Variants in TACR2 observed in about 807,000 individuals in gnomAD.
The protein encoded by TACR2 is tachykinin receptor 2, also known as substance-K receptor.
A neutral mutation model predicts 28.9 loss-of-function variants in TACR2; 24 were observed. That is an observed-to-expected ratio of 0.83 (90% confidence interval 0.60 to 1.17). The LOEUF is 1.17. Among genes scored for constraint, TACR2 ranks in the 50% most tolerant of loss-of-function variants. The probability of loss-of-function intolerance (pLI) is 0.00; values close to 1 mark genes in which losing one functional copy is unlikely to be tolerated. For missense variants in TACR2, 487 were observed against 524.4 expected (o/e 0.93, Z 0.70); for synonymous variants, 222 against 212.6 (o/e 1.04, Z -0.38).
chr10:69,415,274 AG>A, intron 1 of TACR2, 135 bp from the exon 2 acceptor site: 1 of 999,598 alleles, frequency 1.0e-6, no homozygotes. Flanking sequence ...CTGATATCAT[AG>A]TATCAGCCGA....
Position 69,405,026 on chromosome 10 carries a change from C to G in TACR2, c.997G>C (p.Glu333Gln), listed in dbSNP as rs753219943. The G allele has an allele frequency of 1.9e-6, 3 of 1,614,146 alleles. No homozygotes were observed. The highest frequency in any genetic ancestry group is 1.7e-6 in the Non-Finnish European group (2 of 1,180,004). Residue 333 changes from glutamate (E) to glutamine (Q), a missense_variant, in exon 5 of 5, where the codon GAA becomes CAA. Glu to Gln is a conservative substitution (Grantham distance 29). Coordinates refer to ENST00000373306, the MANE Select transcript of TACR2 (RefSeq NM_001057.3). Reference sequence around the variant, plus strand: ...GTGGGAGTCAGCTCGAGCTTATCTTCCTTGGTGGGTGTGACCCATGGGCAG... The same window carrying G: ...GTGGGAGTCAGCTCGAGCTTATCTTGCTTGGTGGGTGTGACCCATGGGCAG... ...RCCPWVTPTKEDKLELTPTTS... is the reference protein window; with the variant it reads ...RCCPWVTPTKQDKLELTPTTS...
intron 2 of TACR2, among the ~76,000 whole-genome samples, chr10:69,409,896 T>TATATATATAC (rs1453338217): frequency 3.4e-4 from 5 of 14,844 alleles, no homozygotes; most frequent in South Asian, 4.5e-3. Context: ...TATACATATA[T>TATATATATAC]ATATATACAT....
Position 69,416,079 on chromosome 10 carries a change from A to T in TACR2, c.245T>A (p.Met82Lys). 1 of 1,614,218 alleles carries T rather than the reference A, an allele frequency of 6.2e-7. No homozygotes were observed. The highest frequency in any genetic ancestry group is 8.5e-7 in the Non-Finnish European group (1 of 1,180,024). Reference sequence around the variant, plus strand: ...GTTGAAGGCGGCATTGAAGGCAGCCATGCAGAGGTCAGCCAGCGCCAGATT... The same window carrying T: ...GTTGAAGGCGGCATTGAAGGCAGCCTTGCAGAGGTCAGCCAGCGCCAGATT... The part of the protein sequence containing the change: ...IVNLALADLC[M>K]AAFNAAFNFV... Residue 82 changes from methionine to lysine, a missense_variant, in exon 1 of 5, where the codon ATG becomes AAG. Coordinates refer to ENST00000373306, the MANE Select transcript of TACR2 (RefSeq NM_001057.3).
At chr10:69,415,861 A>G (rs1840611672) in intron 1 of TACR2, 71 bp downstream of exon 1, 1 of 1,544,260 alleles carries the variant, frequency 6.5e-7, no homozygotes, top group South Asian at 1.2e-5. Flanking sequence ...AATCACAGGC[A>G]TGTCACCACC....
chr10:69,411,111 G>C (rs553627591), intron 2 of TACR2, among the ~76,000 whole-genome samples: 54 of 152,232 alleles, frequency 3.5e-4, no homozygotes, highest in African/African-American at 1.2e-3. Context: ...CCCTGGTCCC[G>C]TCATTTGACT....
chr10:69,416,227 G>A lies in TACR2; in HGVS notation c.97C>T (p.Leu33=). The A allele has an allele frequency of 3.7e-6, 6 of 1,614,018 alleles. No homozygotes were observed. The highest frequency in any genetic ancestry group is 5.1e-6 in the Non-Finnish European group (6 of 1,179,908). The change falls in exon 1 of 5, where the codon CTG becomes TTG. Residue 33 remains leucine (L), a synonymous_variant. Transcript: ENST00000373306. ...ITAFSMPSWQ[L]ALWATAYLAL... is the part of the protein sequence containing the mutation. ...AGGTAGGCTGTGGCCCACAGTGCCA[G>A]TTGCCAGCTGGGCATGGAGAAGGCT...
At chr10:69,410,767 T>C (rs1014411914) in intron 2 of TACR2, among the ~76,000 whole-genome samples, 5 of 152,196 alleles carry the variant, frequency 3.3e-5, no homozygotes, top group African/African-American at 1.2e-4. Flanking sequence ...TGTAAGAACA[T>C]GTCAACCTTG....
chr10:69,410,105 G>A (rs1488110578), intron 2 of TACR2, among the ~76,000 whole-genome samples: 2 of 151,720 alleles, frequency 1.3e-5, no homozygotes, highest in East Asian at 3.9e-4. Context: ...CCTCGTTTGT[G>A]TCAGCAAATG....
chr10:69,409,906 T>TATATACATATATATATATAC (rs1564581106), intron 2 of TACR2, among the ~76,000 whole-genome samples: 29 of 11,606 alleles, frequency 2.5e-3, no homozygotes, highest in Admixed American at 0.02. Flanking sequence ...TATATATACA[T>TATATACATATATATATATAC]ATATATATAT....
At chr10:69,410,553 G>C (rs185767303) in intron 2 of TACR2, among the ~76,000 whole-genome samples, 1 of 149,734 alleles carries the variant, frequency 6.7e-6, no homozygotes, top group East Asian at 1.9e-4. Context: ...AGTGTCCCCA[G>C]TTCTCAGATC....
At chr10:69,409,921 A>ATATG (rs1554827810) in intron 2 of TACR2, among the ~76,000 whole-genome samples, 21 of 87,056 alleles carry the variant, frequency 2.4e-4, no homozygotes, top group Non-Finnish European at 4.2e-4. Context: ...ATATATATAT[A>ATATG]TATATATATA....
Position 69,416,356 on chromosome 10 carries a change from C to T in TACR2, c.-33G>A, listed in dbSNP as rs777368544. On this transcript the variant is annotated 5_prime_UTR_variant, in exon 1 of 5. Coordinates refer to ENST00000373306, the MANE Select transcript of TACR2 (RefSeq NM_001057.3). ...TCTGGGTCTGGAACAAAGGACCTGG[C>T]TCCTCGGCTCCTCTCGGATTTGCTA... is the stretch of plus-strand genomic sequence containing the variant. 3.2e-6 allele frequency: 5 copies of T among 1,543,576 alleles called. No homozygotes were observed. The highest frequency in any genetic ancestry group is 4.4e-6 in the Non-Finnish European group (5 of 1,143,552).
At chr10:69,407,405 C>CT in intron 3 of TACR2, 125 bp from the exon 4 acceptor site, 1 of 920,928 alleles carries the variant, frequency 1.1e-6, no homozygotes, top group Non-Finnish European at 1.6e-6. Context: ...CCCGTTAGCT[C>CT]TATTACTCAG....
chr10:69,409,882 CAT>C (rs1840548310), intron 2 of TACR2, among the ~76,000 whole-genome samples: 9 of 113,202 alleles, frequency 8.0e-5, no homozygotes, highest in East Asian at 3.2e-4. Flanking sequence ...TATATATATA[CAT>C]ATATACATAT....
chr10:69,406,303 C>G (rs1285447922), intron 4 of TACR2, among the ~76,000 whole-genome samples: 4 of 152,236 alleles, frequency 2.6e-5, no homozygotes, highest in Non-Finnish European at 5.9e-5. Flanking sequence ...CACTGAAAGG[C>G]CTGCTCTGCA....
At position 69,416,537 on chromosome 10, in the gene TACR2, A is replaced by T; in HGVS notation, c.-214T>A. On this transcript the variant is annotated 5_prime_UTR_variant, in exon 1 of 5. An upstream start codon of the reference 5' UTR is lost. Transcript: ENST00000373306. ...CAAAGCCCAGTCCAGAACCATTGTC[A>T]TTTCAGATTCCATCCTTCCGGCCAG... The T allele has an allele frequency of 2.0e-6, 1 of 510,010 alleles. No homozygotes were observed. The highest frequency in any genetic ancestry group is 3.3e-6 in the Non-Finnish European group (1 of 299,992). The allele number at this position is 510,010 out of a possible 1,614,324, so 31.6% of individuals were successfully genotyped here.
rs147969214 is a variant in TACR2, at chr10:69,416,096, C to T, written c.228G>A (p.Ala76=). ...TVTNYFIVNL[A]LADLCMAAFN... The stretch of plus-strand genomic sequence containing the variant: ...AGGCAGCCATGCAGAGGTCAGCCAG[C>T]GCCAGATTGACGATGAAGTAGTTGG... The change falls in exon 1 of 5, where the codon GCG becomes GCA. Residue 76 remains alanine, a synonymous_variant. Transcript: ENST00000373306. 106 of 1,614,198 alleles carry T rather than the reference C, an allele frequency of 6.6e-5. No homozygotes were observed. In the Middle Eastern group the frequency reaches 6.6e-4, roughly 10 times the overall value.
At chr10:69,412,357 G>C (rs1177709931) in intron 2 of TACR2, among the ~76,000 whole-genome samples, 1 of 152,074 alleles carries the variant, frequency 6.6e-6, no homozygotes, top group African/African-American at 2.4e-5. Flanking sequence ...GGCGCTCCTA[G>C]ACTCCCTGAT....
rs1173104731 is a variant in TACR2 at position 69,404,369 on chromosome 10, A to G, written c.*457T>C. ...TCAGATGTGGTCTTCTCGATTGGCT[A>G]CTTCTCAAAGGGTGCTACACCTCAT... On this transcript the variant is annotated 3_prime_UTR_variant, in exon 5 of 5. Coordinates refer to ENST00000373306, the MANE Select transcript of TACR2 (RefSeq NM_001057.3). 2 of 152,414 alleles carry G rather than the reference A, an allele frequency of 1.3e-5. No homozygotes were observed. The highest frequency in any genetic ancestry group is 2.9e-5 in the Non-Finnish European group (2 of 68,230). 9.4% of individuals were successfully genotyped at this position (152,414 alleles called of 1,614,324 possible).
Sources: allele counts gnomAD v4.1 joint callset (sites outside exome capture counted in the v4.1 genomes callset), GRCh38; gene constraint gnomAD v4.1.1; transcripts MANE v1.5; gene names NCBI Gene and HGNC (gene_info 2026-07-23, HGNC 2026-07-21).